The following TTLL11 variants were observed in gnomAD, a reference collection of about 807,000 sequenced individuals.
The protein encoded by TTLL11 is tubulin polyglutamylase TTLL11.
A neutral mutation model predicts 51.7 loss-of-function variants in TTLL11; 42 were observed. The ratio of observed to expected loss-of-function variants is 0.81; its 90% CI spans 0.64 to 1.05. The LOEUF (loss-of-function observed/expected upper bound fraction) is 1.05, where lower values mean the gene tolerates loss of function less well. Among genes scored for constraint, TTLL11 ranks in the 50% least tolerant of loss-of-function variants. The pLI is 0.00. For missense variants in TTLL11, 799 were observed against 940.4 expected (o/e 0.85, Z 1.97); for synonymous variants, 381 against 383.5 (o/e 0.99, Z 0.08).
chr9:121,923,077 G>A (rs560965437), intron 6 of TTLL11, among the ~76,000 whole-genome samples: 132 of 152,320 alleles, frequency 8.7e-4, no homozygotes, highest in Non-Finnish European at 4.3e-4. Flanking sequence ...CACCCTTTGG[G>A]TTAAAGCAAA....
chr9:121,822,549 G>A lies in TTLL11; in HGVS notation c.*38C>T. On this transcript the variant is annotated 3_prime_UTR_variant, in exon 9 of 9. Coordinates refer to ENST00000321582, the MANE Select transcript of TTLL11 (RefSeq NM_001139442.2). This position sits in a 1 kb window ranked among gnomAD's most constrained non-coding sequence, Gnocchi z 5.8. ...CTGGGGCGCTCCAGCCCTGAAAGCT[G>A]CTCTCGTCTTCCGTTTTCCAGGAGG... 7.0e-7 allele frequency: 1 copy of A among 1,424,894 alleles called. No individual in the cohort carries two copies. The highest frequency in any genetic ancestry group is 9.2e-7 in the Non-Finnish European group (1 of 1,085,566). 88.3% of individuals were successfully genotyped at this position (1,424,894 alleles called of 1,614,324 possible).
intron 8 of TTLL11, among the ~76,000 whole-genome samples, chr9:121,838,845 C>T (rs1837265816): frequency 7.2e-6 from 1 of 139,090 alleles, no homozygotes. Context: ...TCAAACCACG[C>T]ACTCCCCCAC....
intron 6 of TTLL11, among the ~76,000 whole-genome samples, chr9:121,942,587 G>A (rs1841517735): frequency 7.5e-6 from 1 of 133,598 alleles, no homozygotes; most frequent in South Asian, 2.3e-4. Flanking sequence ...AAACAGGGAT[G>A]TCACTCTAGT....
At chr9:121,975,025 T>C in intron 4 of TTLL11, 46 bp from the exon 5 acceptor site, 5 of 1,381,020 alleles carry the variant, frequency 3.6e-6, no homozygotes, top group Non-Finnish European at 9.8e-7. Context: ...CTATTGAGTA[T>C]GGTATTAGGG....
At chr9:122,056,758 G>A (rs1845299825) in intron 1 of TTLL11, among the ~76,000 whole-genome samples, 1 of 152,214 alleles carries the variant, frequency 6.6e-6, no homozygotes, top group African/African-American at 2.4e-5. Context: ...TTCCACCTGG[G>A]TGTCCATGTC....
intron 6 of TTLL11, among the ~76,000 whole-genome samples, chr9:121,967,958 GA>G (rs1842451414): frequency 6.6e-6 from 1 of 152,206 alleles, no homozygotes; most frequent in South Asian, 2.1e-4. Flanking sequence ...TGCAGAGACA[GA>G]AAGCAGACTG....
chr9:121,965,914 T>C (rs1002723033), intron 6 of TTLL11, among the ~76,000 whole-genome samples: 2 of 152,236 alleles, frequency 1.3e-5, no homozygotes, highest in Admixed American at 6.5e-5. Flanking sequence ...CAGAGTCCAC[T>C]GGGAGATTCC....
In TTLL11 at chr9:121,860,346, G is replaced by A. The variant is rs1837967274; in HGVS notation, c.1831C>T (p.Arg611Trp). The A allele has an allele frequency of 3.2e-6, 5 of 1,551,010 alleles. No individual in the cohort carries two copies. Among genetic ancestry groups the A allele is most frequent in the East Asian group, 2.4e-5 (1 of 40,908 alleles). Residue 611 changes from arginine to tryptophan, a missense_variant, in exon 8 of 9, where the codon CGG (arginine) becomes TGG (tryptophan). Physicochemically the swap from Arg to Trp is moderately radical, Grantham distance 101 (BLOSUM62 -3). Coordinates refer to ENST00000321582, the MANE Select transcript of TTLL11 (RefSeq NM_001139442.2). Reference protein sequence around the residue: ...RRWNSMTLDQRDSGMCLQAFV... With the variant: ...RRWNSMTLDQWDSGMCLQAFV... The stretch of plus-strand genomic sequence containing the variant: ...GGCATTTGTCAAATACCTGAGTCCC[G>A]CTGGTCCAGGGTCATGGAGTTCCAC...
intron 6 of TTLL11, among the ~76,000 whole-genome samples, chr9:121,964,128 A>G (rs573439894): frequency 6.6e-5 from 10 of 152,164 alleles, no homozygotes; most frequent in African/African-American, 2.4e-4. Context: ...ACAACTCCAT[A>G]ACAAACCTGC....
intron 3 of TTLL11, among the ~76,000 whole-genome samples, chr9:122,005,928 G>C (rs1588198320): frequency 6.6e-6 from 1 of 152,278 alleles, no homozygotes; most frequent in Non-Finnish European, 1.5e-5. Context: ...CCTTAATAAA[G>C]GTGAATAATC....
In TTLL11 at chr9:121,826,561, A is replaced by G. The variant is rs865956342; in HGVS notation, c.1841-3682T>C. Among the ~76,000 whole-genome samples, 92 of 103,572 alleles carry G rather than the reference A, an allele frequency of 8.9e-4. 4 individuals are homozygous for G. Among genetic ancestry groups the G allele is most frequent in the African/African-American group, 2.1e-3 (46 of 22,208 alleles). 67.9% of individuals were successfully genotyped at this position (103,572 alleles called of 152,430 possible). A position where few individuals can be genotyped will look rare whatever the true frequency, so the allele number is the denominator to read the frequency against. On this transcript the variant is annotated intron_variant, in intron 8 of 8. Coordinates refer to ENST00000321582, the MANE Select transcript of TTLL11 (RefSeq NM_001139442.2). ...TGTATATATATATATGTGTGTGTATATATATATATATATATATATATGTAT... is the reference window on the plus strand; with the variant it reads ...TGTATATATATATATGTGTGTGTATGTATATATATATATATATATATGTAT...
intron 6 of TTLL11, among the ~76,000 whole-genome samples, chr9:121,931,593 AAAAAAAAAAAAAG>A (rs1840980783): frequency 6.6e-6 from 1 of 151,112 alleles, no homozygotes; most frequent in Non-Finnish European, 1.5e-5. Flanking sequence ...TTAAAAAAAA[AAAAAAAAAAAAAG>A]AAAAGAAAAG....
At chr9:122,062,212 G>A (rs956923059) in intron 1 of TTLL11, among the ~76,000 whole-genome samples, 7 of 152,124 alleles carry the variant, frequency 4.6e-5, no homozygotes, top group Non-Finnish European at 7.3e-5. Flanking sequence ...CTGTGACACT[G>A]CACTGATCAG....
At chr9:122,059,126 G>A (rs1450983891) in intron 1 of TTLL11, among the ~76,000 whole-genome samples, 2 of 152,164 alleles carry the variant, frequency 1.3e-5, no homozygotes, top group African/African-American at 4.8e-5. Context: ...GGAAAAGCCT[G>A]TATCCTGTTG....
intron 1 of TTLL11, among the ~76,000 whole-genome samples, chr9:122,091,684 C>T (rs973119453): frequency 8.5e-5 from 13 of 152,228 alleles, no homozygotes; most frequent in East Asian, 5.8e-4. Flanking sequence ...CTCTGTTACC[C>T]GCAGCAGATC....
intron 8 of TTLL11, among the ~76,000 whole-genome samples, chr9:121,833,750 T>G (rs1369228038): frequency 6.6e-6 from 1 of 152,194 alleles, no homozygotes; most frequent in African/African-American, 2.4e-5. Flanking sequence ...ATGTATTATT[T>G]TACAGTTTAC....
intron 8 of TTLL11, among the ~76,000 whole-genome samples, chr9:121,837,453 T>C (rs992584453): frequency 6.6e-6 from 1 of 152,120 alleles, no homozygotes; most frequent in African/African-American, 2.4e-5. Context: ...GAAAGGGCTT[T>C]TTCAGGGTGT....
At chr9:121,849,614 A>C (rs1837609615) in intron 8 of TTLL11, among the ~76,000 whole-genome samples, 1 of 152,242 alleles carries the variant, frequency 6.6e-6, no homozygotes, top group African/African-American at 2.4e-5. Flanking sequence ...TCACCAAAGA[A>C]GTTATACAGA....
chr9:122,051,897 G>A (rs1325177716), intron 1 of TTLL11, among the ~76,000 whole-genome samples: 3 of 152,052 alleles, frequency 2.0e-5, no homozygotes, highest in African/African-American at 7.2e-5. Flanking sequence ...GAGACCTCGA[G>A]ACCAAATTAG....
Sources: allele counts gnomAD v4.1 joint callset (sites outside exome capture counted in the v4.1 genomes callset), GRCh38; gene constraint gnomAD v4.1.1; non-coding constraint Gnocchi (gnomAD v3.1); transcripts MANE v1.5; gene names NCBI Gene and HGNC (gene_info 2026-07-23, HGNC 2026-07-21).